The following STARD13 variants were observed in gnomAD, a reference collection of about 807,000 sequenced individuals.
STARD13 encodes StAR related lipid transfer domain containing 13.
STARD13 carries 62 observed loss-of-function variants against 106.4 expected under a neutral mutation model. The ratio of observed to expected loss-of-function variants is 0.58; its 90% CI spans 0.48 to 0.72. The LOEUF is 0.72. Ranked by LOEUF, STARD13 falls within the 30% of genes least tolerant of loss-of-function variation. The pLI is 0.00. For synonymous variants in STARD13, 565 were observed against 553.0 expected (o/e 1.02, Z -0.31); for missense variants, 1,387 against 1,424.0 (o/e 0.97, Z 0.42).
chr13:33,310,378 A>G (rs1410835567), intron 1 of STARD13, among the ~76,000 whole-genome samples: 1 of 152,204 alleles, frequency 6.6e-6, no homozygotes, highest in Non-Finnish European at 1.5e-5. Context: ...CTTCTTCTTT[A>G]TAAGTGAAAG....
Position 33,118,153 on chromosome 13 carries a change from C to T in STARD13, c.2193G>A (p.Val731=). 6.2e-7 allele frequency: 1 copy of T among 1,614,192 alleles called. No individual in the cohort carries two copies. The highest frequency in any genetic ancestry group is 1.1e-5 in the South Asian group (1 of 91,080). ...VNYEDQSAYD[V]ADMVKQFFRD... is the part of the protein sequence containing the mutation. ...GGAAGAACTGTTTCACCATATCCGC[C>T]ACATCATAAGCAGACTGGTCTTCAT... Residue 731 remains valine, a synonymous_variant, in exon 8 of 14, where the codon GTG becomes GTA. Coordinates refer to ENST00000336934, the MANE Select transcript of STARD13 (RefSeq NM_178006.4).
At chr13:33,580,813 T>G in the STARD13 span, among the ~76,000 whole-genome samples, 1 of 152,146 alleles carries the variant, frequency 6.6e-6, no homozygotes, top group East Asian at 1.9e-4. Context: ...TAGTATAGTG[T>G]GATTATTCAG....
At chr13:33,505,634 T>A in the STARD13 span, among the ~76,000 whole-genome samples, 3 of 152,188 alleles carry the variant, frequency 2.0e-5, no homozygotes, top group Non-Finnish European at 4.4e-5. Flanking sequence ...TTTAACTACA[T>A]CTTTTGTTAA....
At chr13:33,610,137 G>C in the STARD13 span, among the ~76,000 whole-genome samples, 1 of 152,030 alleles carries the variant, frequency 6.6e-6, no homozygotes, top group Non-Finnish European at 1.5e-5. Context: ...ATATTTAAAG[G>C]ATATCATTTA....
At chr13:33,413,672 A>G in the STARD13 span, among the ~76,000 whole-genome samples, 1 of 152,116 alleles carries the variant, frequency 6.6e-6, no homozygotes, top group African/African-American at 2.4e-5. Context: ...AAATCCCACA[A>G]TCCAATTAGA....
Position 33,343,160 on chromosome 13 carries a change from A to T in STARD13, c.124+7130T>A, listed in dbSNP as rs527785310. 1.4e-3 allele frequency among the ~76,000 whole-genome samples: 211 copies of T among 152,248 alleles called. 1 individual carries two copies. Among genetic ancestry groups the T allele is most frequent in the Middle Eastern group, 6.8e-3 (2 of 294 alleles). On this transcript the variant is annotated intron_variant, in intron 1 of 5. Transcript: ENST00000567873. ...AACCTTTGAGTCCTTTTTCTCTCCC[A>T]TGCAAATCTGCCAGTTATCCTCATC...
the STARD13 span, among the ~76,000 whole-genome samples, chr13:33,406,531 G>A: frequency 6.6e-6 from 1 of 152,134 alleles, no homozygotes; most frequent in South Asian, 2.1e-4. Flanking sequence ...TCTGTTTAAG[G>A]ATGCCTCGTT....
intron 1 of STARD13, among the ~76,000 whole-genome samples, chr13:33,283,040 A>G (rs1891877876): frequency 6.6e-6 from 1 of 152,166 alleles, no homozygotes; most frequent in Non-Finnish European, 1.5e-5. Context: ...AAAAACAAAA[A>G]GAAAACAAAG....
At chr13:33,183,776 C>A (rs1275154909) in intron 1 of STARD13, among the ~76,000 whole-genome samples, 1 of 152,140 alleles carries the variant, frequency 6.6e-6, no homozygotes, top group Non-Finnish European at 1.5e-5. Context: ...GGAATGAGGC[C>A]TGGTCCAGTC....
the STARD13 span, among the ~76,000 whole-genome samples, chr13:33,617,776 A>G: frequency 6.6e-6 from 1 of 152,210 alleles, no homozygotes; most frequent in Non-Finnish European, 1.5e-5. Flanking sequence ...GCTGGGCTTT[A>G]CCTCGAAGAG....
At chr13:33,319,664 AC>A (rs1278296242) in intron 1 of STARD13, among the ~76,000 whole-genome samples, 1 of 152,090 alleles carries the variant, frequency 6.6e-6, no homozygotes, top group African/African-American at 2.4e-5. Flanking sequence ...CATCCCTGTT[AC>A]CAAGATCTCT....
rs535261525 is a variant in STARD13 at position 33,195,920 on chromosome 13, T to C, written c.170-28298A>G. 2.4e-4 allele frequency among the ~76,000 whole-genome samples: 36 copies of C among 152,266 alleles called. 1 individual carries two copies. The South Asian group carries it at 7.1e-3, about 30-fold the overall frequency. Reference sequence around the variant, plus strand: ...ATGAAATGAGTGCTCTGTACTGTGGTTGGCAGATGGGACACACATAACAAC... The same window carrying C: ...ATGAAATGAGTGCTCTGTACTGTGGCTGGCAGATGGGACACACATAACAAC... On this transcript the variant is annotated intron_variant, in intron 1 of 13. Coordinates refer to ENST00000336934, the MANE Select transcript of STARD13 (RefSeq NM_178006.4).
At chr13:33,517,278 T>A in the STARD13 span, among the ~76,000 whole-genome samples, 2 of 152,062 alleles carry the variant, frequency 1.3e-5, no homozygotes, top group Non-Finnish European at 2.9e-5. Context: ...AAAACCCAAT[T>A]CGTTTTGCCT....
At chr13:33,429,356 G>C in the STARD13 span, among the ~76,000 whole-genome samples, 1 of 152,132 alleles carries the variant, frequency 6.6e-6, no homozygotes, top group Non-Finnish European at 1.5e-5. Context: ...CAGCACTTTG[G>C]GAGGCCGAGG....
At chr13:33,528,772 G>A in the STARD13 span, among the ~76,000 whole-genome samples, 24 of 151,968 alleles carry the variant, frequency 1.6e-4, no homozygotes, top group Admixed American at 6.6e-4. Flanking sequence ...TCATAGTAAC[G>A]ATCATCTTTT....
At chr13:33,141,570 G>A (rs1466893416) in intron 4 of STARD13, among the ~76,000 whole-genome samples, 4 of 152,204 alleles carry the variant, frequency 2.6e-5, no homozygotes, top group Non-Finnish European at 4.4e-5. Flanking sequence ...CTAGAGACAA[G>A]TACACAGTGG....
At chr13:33,426,642 A>G in the STARD13 span, among the ~76,000 whole-genome samples, 2 of 152,222 alleles carry the variant, frequency 1.3e-5, no homozygotes, top group South Asian at 4.1e-4. Context: ...ATTATAAATT[A>G]TTTTTCTTTT....
chr13:33,293,239 T>A (rs1473047405), intron 1 of STARD13, among the ~76,000 whole-genome samples: 2 of 152,222 alleles, frequency 1.3e-5, no homozygotes, highest in Non-Finnish European at 2.9e-5. Context: ...CCCAGTAGAC[T>A]GCTTTGGGTG....
At chr13:33,571,267 T>C in the STARD13 span, among the ~76,000 whole-genome samples, 1 of 152,310 alleles carries the variant, frequency 6.6e-6, no homozygotes, top group Admixed American at 6.5e-5. Context: ...TTATAATTCA[T>C]GTTGTGCCCT....
Sources: gnomAD v4.1 joint callset for allele counts (sites outside exome capture counted in the v4.1 genomes callset) on GRCh38, gnomAD v4.1.1 for gene constraint, MANE v1.5 for transcripts, NCBI Gene and HGNC (gene_info 2026-07-23, HGNC 2026-07-21) for gene names.